The following ABCB11 variants were observed in gnomAD, a reference collection of about 807,000 sequenced individuals.
The protein encoded by ABCB11 is ATP binding cassette subfamily B member 11, also known as bile salt export pump.
ABCB11 carries 95 observed loss-of-function variants against 148.0 expected under a neutral mutation model. The observed-to-expected ratio is 0.64, with a 90% CI of 0.54 to 0.76. ABCB11 has a LOEUF of 0.76. Among genes scored for constraint, ABCB11 ranks in the 30% least tolerant of loss-of-function variants. The probability of loss-of-function intolerance (pLI) is 0.00; values close to 1 mark genes in which losing one functional copy is unlikely to be tolerated. For missense variants in ABCB11, 1,523 were observed against 1,617.8 expected (o/e 0.94, Z 1.01); for synonymous variants, 591 against 555.4 (o/e 1.06, Z -0.90).
In ABCB11 at chr2:168,936,354, C is replaced by T; in HGVS notation, c.2690G>A (p.Ser897Asn). The change falls in exon 22 of 28, where the codon AGC (serine) becomes AAC (asparagine). Residue 897 changes from serine to asparagine, a missense_variant. By Grantham distance (46) the Ser-to-Asn change is conservative. Transcript: ENST00000650372. ...TVAMIIAFSF[S>N]WKLSLVILCF... ...CAAGATGACCAGGCTCAGCTTCCAG[C>T]TAAAGGAGAAGGCAATGATCATGGC... 6.2e-7 allele frequency: 1 copy of T among 1,613,878 alleles called. No individual in the cohort carries two copies. The highest frequency in any genetic ancestry group is 8.5e-7 in the Non-Finnish European group (1 of 1,179,884).
At chr2:169,009,525 C>T (rs976571540) in intron 5 of ABCB11, among the ~76,000 whole-genome samples, 2 of 133,872 alleles carry the variant, frequency 1.5e-5, no homozygotes, top group Non-Finnish European at 3.0e-5. Flanking sequence ...GGGAATTGAA[C>T]AATGAGAACA....
intron 26 of ABCB11, 99 bp from the exon 27 acceptor site, chr2:168,924,902 G>T: frequency 1.9e-6 from 2 of 1,054,800 alleles, no homozygotes. Flanking sequence ...TAAATTATTT[G>T]TTTGTTGAAC....
chr2:168,964,432 C>T (rs966764750), intron 17 of ABCB11, 124 bp from the exon 18 acceptor site: 2 of 782,060 alleles, frequency 2.6e-6, no homozygotes, highest in Non-Finnish European at 4.1e-6. Context: ...CACATGGTAA[C>T]CAGGAAAGGG....
At chr2:169,009,660 A>G (rs939081290) in intron 5 of ABCB11, among the ~76,000 whole-genome samples, 4 of 152,064 alleles carry the variant, frequency 2.6e-5, no homozygotes, top group African/African-American at 9.7e-5. Flanking sequence ...GCACACCAAC[A>G]TGGTACATGT....
At chr2:168,915,479 A>G (rs1192587640), downstream of ABCB11, among the ~76,000 whole-genome samples, 1 of 152,250 alleles carries the variant, frequency 6.6e-6, no homozygotes, top group Non-Finnish European at 1.5e-5. Context: ...AGCAACAACA[A>G]CAACAACAAA....
chr2:168,927,082 A>T (rs1691347612), intron 26 of ABCB11, 74 bp downstream of exon 26: 1 of 1,401,316 alleles, frequency 7.1e-7, no homozygotes, highest in Non-Finnish European at 1.0e-6. Context: ...GGGATGCTCA[A>T]CCTGTACACT....
intron 7 of ABCB11, among the ~76,000 whole-genome samples, 193 bp downstream of exon 7, chr2:168,995,156 T>G (rs1694672507): frequency 6.6e-6 from 1 of 152,060 alleles, no homozygotes; most frequent in Non-Finnish European, 1.5e-5. Flanking sequence ...TTGCAGTACC[T>G]TGGGTTTCAA....
At chr2:169,006,696 G>A (rs1368515494) in intron 5 of ABCB11, among the ~76,000 whole-genome samples, 1 of 152,112 alleles carries the variant, frequency 6.6e-6, no homozygotes, top group African/African-American at 2.4e-5. Flanking sequence ...GAACTCATAA[G>A]TAGTTCAGCT....
At chr2:168,937,724 A>T (rs1691892571) in intron 21 of ABCB11, among the ~76,000 whole-genome samples, 1 of 152,210 alleles carries the variant, frequency 6.6e-6, no homozygotes, top group South Asian at 2.1e-4. Flanking sequence ...AAGTTGATAC[A>T]AGACTATTAT....
rs80049571 is a variant in ABCB11 at position 168,969,927 on chromosome 2, A to G, written c.1809+118T>C. ...TTTTCTAAACAATCAGACTAGATGCATGAACCCATGTAGTATCAACTACTC... is the reference window on the plus strand; with the variant it reads ...TTTTCTAAACAATCAGACTAGATGCGTGAACCCATGTAGTATCAACTACTC... On this transcript the variant is annotated intron_variant, in intron 15 of 27. Transcript: ENST00000650372. 5,913 of 1,001,690 alleles carry G rather than the reference A, an allele frequency of 5.9e-3. 235 individuals are homozygous for G. The African/African-American group carries it at 0.086, about 15-fold the overall frequency. The allele number at this position is 1,001,690 out of a possible 1,614,324, so 62.1% of individuals were successfully genotyped here. A position where few individuals can be genotyped will look rare whatever the true frequency, so the allele number is the denominator to read the frequency against.
At chr2:168,993,495 T>C (rs1463182620) in intron 8 of ABCB11, among the ~76,000 whole-genome samples, 1 of 152,082 alleles carries the variant, frequency 6.6e-6, no homozygotes, top group Non-Finnish European at 1.5e-5. Flanking sequence ...ATAAATGTAA[T>C]TGCTGTTAAT....
chr2:168,934,826 T>C (rs369811161), intron 23 of ABCB11, among the ~76,000 whole-genome samples: 6 of 152,244 alleles, frequency 3.9e-5, no homozygotes, highest in African/African-American at 1.4e-4. Flanking sequence ...TGACTTTCTT[T>C]GGCCAAACAG....
chr2:168,996,054 T>G (rs1694705340), intron 6 of ABCB11, among the ~76,000 whole-genome samples: 1 of 151,342 alleles, frequency 6.6e-6, no homozygotes, highest in Non-Finnish European at 1.5e-5. Context: ...CATTTCTCTT[T>G]ACAAACAGCA....
chr2:168,985,917 C>G (rs1376703778), intron 10 of ABCB11, among the ~76,000 whole-genome samples, 193 bp downstream of exon 10: 1 of 151,970 alleles, frequency 6.6e-6, no homozygotes, highest in East Asian at 1.9e-4. Context: ...TAACTAAATA[C>G]CACCTGTTTC....
intron 17 of ABCB11, among the ~76,000 whole-genome samples, chr2:168,966,402 A>G: frequency 6.6e-6 from 1 of 151,810 alleles, no homozygotes; most frequent in Non-Finnish European, 1.5e-5. Flanking sequence ...CATTCTCCAG[A>G]TCATTCGAGC....
Position 168,927,295 on chromosome 2 carries a change from G to A in ABCB11, c.3479C>T (p.Ser1160Phe). 1 of 1,613,894 alleles carries A rather than the reference G, an allele frequency of 6.2e-7. No individual in the cohort carries two copies. The highest frequency in any genetic ancestry group is 2.2e-5 in the East Asian group (1 of 44,888). ...QFLRSNIGIV[S>F]QEPVLFACSI... ...ACAGGCAAACAACACTGGTTCCTGGGAAACAATTCCAATGTTTGAGCGGAG... is the reference window on the plus strand; with the variant it reads ...ACAGGCAAACAACACTGGTTCCTGGAAAACAATTCCAATGTTTGAGCGGAG... Residue 1160 changes from serine (S) to phenylalanine (F), a missense_variant, in exon 26 of 28, where the codon TCC (serine) becomes TTC (phenylalanine). Physicochemically the swap from Ser to Phe is radical, Grantham distance 155. Coordinates refer to ENST00000650372, the MANE Select transcript of ABCB11 (RefSeq NM_003742.4).
chr2:169,029,722 CT>C (rs1695804489), intron 1 of ABCB11, among the ~76,000 whole-genome samples: 1 of 114,124 alleles, frequency 8.8e-6, no homozygotes, highest in Non-Finnish European at 1.7e-5. Flanking sequence ...CAGTTCTTTC[CT>C]CTTTTTTTTT....
chr2:168,972,681 T>C (rs540069162), intron 13 of ABCB11, among the ~76,000 whole-genome samples: 7 of 152,190 alleles, frequency 4.6e-5, no homozygotes, highest in African/African-American at 1.4e-4. Flanking sequence ...TCTGTTATGT[T>C]TGCCATGCCT....
At chr2:168,969,696 C>T in intron 15 of ABCB11, 145 bp from the exon 16 acceptor site, 3 of 788,948 alleles carry the variant, frequency 3.8e-6, no homozygotes, top group Admixed American at 2.9e-5. Context: ...TTAGAAAAGG[C>T]CAGCACATTT....
Sources: gnomAD v4.1 joint callset for allele counts (sites outside exome capture counted in the v4.1 genomes callset) on GRCh38, gnomAD v4.1.1 for gene constraint, MANE v1.5 for transcripts, NCBI Gene and HGNC (gene_info 2026-07-23, HGNC 2026-07-21) for gene names.